The following PLCB1 variants were observed in gnomAD, a reference collection of about 807,000 sequenced individuals.
PLCB1 encodes the protein 1-phosphatidylinositol 4,5-bisphosphate phosphodiesterase beta-1.
PLCB1 carries 46 observed loss-of-function variants against 161.8 expected under a neutral mutation model. That is an observed-to-expected ratio of 0.28 (90% confidence interval 0.22 to 0.36). The LOEUF (loss-of-function observed/expected upper bound fraction) is 0.36. Ranked by LOEUF, PLCB1 falls within the 10% of genes least tolerant of loss-of-function variation. The pLI is 1.00. For synonymous variants in PLCB1, 517 were observed against 503.7 expected, an observed-to-expected ratio of 1.03 and a Z score of -0.35; for missense variants, 1,016 against 1,472.5, an observed-to-expected ratio of 0.69 and a Z score of 5.07.
chr20:8,312,548 G>A (rs1448319709), intron 2 of PLCB1, among the ~76,000 whole-genome samples: 1 of 152,124 alleles, frequency 6.6e-6, no homozygotes, highest in African/African-American at 2.4e-5. Context: ...TTTGCCTGCT[G>A]TGAAGCTACT....
rs1275017042 is a variant in PLCB1 at position 8,425,842 on chromosome 20, T to C, written c.246+54392T>C. On this transcript the variant is annotated intron_variant, in intron 3 of 31. Coordinates refer to ENST00000338037, the MANE Select transcript of PLCB1 (RefSeq NM_015192.4). ...GATTTTCCTTTGCAATGGGCTTCCA[T>C]GTTAGATCTTCACTACATCCAATTT... Among the ~76,000 whole-genome samples, 6 of 152,028 alleles carry C rather than the reference T, an allele frequency of 3.9e-5. No homozygotes were observed. In the Middle Eastern group the frequency reaches 0.01, roughly 259 times the overall value.
intron 31 of PLCB1, among the ~76,000 whole-genome samples, chr20:8,853,215 A>G (rs1986949911): frequency 6.6e-6 from 1 of 152,254 alleles, no homozygotes; most frequent in Non-Finnish European, 1.5e-5. Flanking sequence ...AAAATAAAGT[A>G]GGTTATTAGT....
chr20:8,675,686 T>C (rs1367299015), intron 9 of PLCB1, among the ~76,000 whole-genome samples: 1 of 152,180 alleles, frequency 6.6e-6, no homozygotes, highest in East Asian at 1.9e-4. Context: ...TGAACTTTCT[T>C]GAAACCACAC....
At chr20:8,461,779 A>G (rs1453926224) in intron 3 of PLCB1, among the ~76,000 whole-genome samples, 1 of 152,126 alleles carries the variant, frequency 6.6e-6, no homozygotes, top group Non-Finnish European at 1.5e-5. Context: ...TGCATTTTAT[A>G]TTATTTTATG....
At chr20:8,759,021 C>T (rs956404411) in intron 24 of PLCB1, among the ~76,000 whole-genome samples, 21 of 152,198 alleles carry the variant, frequency 1.4e-4, no homozygotes, top group Admixed American at 2.0e-4. Flanking sequence ...AAGATTCCAA[C>T]GCAGGATCCC....
intron 2 of PLCB1, among the ~76,000 whole-genome samples, chr20:8,293,481 A>T (rs78677893): frequency 0.079 from 11,967 of 152,106 alleles, 592 homozygotes; most frequent in Middle Eastern, 0.15. Flanking sequence ...AAAATTAATA[A>T]CTTTTAGCAC....
intron 31 of PLCB1, among the ~76,000 whole-genome samples, chr20:8,854,279 A>G (rs1486829622): frequency 6.6e-6 from 1 of 152,092 alleles, no homozygotes; most frequent in Non-Finnish European, 1.5e-5. Flanking sequence ...TTTTTTTAGC[A>G]CTGCCTAGAG....
At chr20:8,671,753 C>G (rs938635828) in intron 9 of PLCB1, among the ~76,000 whole-genome samples, 1 of 152,140 alleles carries the variant, frequency 6.6e-6, no homozygotes, top group African/African-American at 2.4e-5. Context: ...TCATCCATGC[C>G]CCCTATCCAG....
intron 9 of PLCB1, among the ~76,000 whole-genome samples, chr20:8,672,212 A>G (rs1036446163): frequency 2.7e-4 from 41 of 152,334 alleles, no homozygotes; most frequent in African/African-American, 9.6e-4. Flanking sequence ...TACTTGCCTC[A>G]GGTTTCCCAT....
chr20:8,699,591 T>C (rs1990654902), intron 11 of PLCB1, among the ~76,000 whole-genome samples: 1 of 152,212 alleles, frequency 6.6e-6, no homozygotes, highest in Non-Finnish European at 1.5e-5. Context: ...ACACTTGAGA[T>C]GTGAGAAAAT....
intron 2 of PLCB1, among the ~76,000 whole-genome samples, chr20:8,343,854 G>A (rs981136477): frequency 6.6e-6 from 1 of 152,178 alleles, no homozygotes; most frequent in Non-Finnish European, 1.5e-5. Context: ...AGAGTGATGT[G>A]TGCAAACTTT....
At chr20:8,630,088 T>A (rs1386396554) in intron 4 of PLCB1, among the ~76,000 whole-genome samples, 2 of 148,684 alleles carry the variant, frequency 1.3e-5, no homozygotes, top group Non-Finnish European at 3.0e-5. Context: ...CTTTCTTGTT[T>A]TTTTTTTTGA....
chr20:8,388,606 A>G (rs1182039368), intron 3 of PLCB1, among the ~76,000 whole-genome samples: 1 of 152,168 alleles, frequency 6.6e-6, no homozygotes. Flanking sequence ...TCTTGGTTCC[A>G]ACTATTTCTT....
intron 3 of PLCB1, among the ~76,000 whole-genome samples, chr20:8,508,793 T>A (rs1043865826): frequency 6.6e-6 from 1 of 152,018 alleles, no homozygotes; most frequent in African/African-American, 2.4e-5. Context: ...TTGAATTATA[T>A]ATATATATAT....
intron 9 of PLCB1, among the ~76,000 whole-genome samples, chr20:8,678,954 G>A (rs1201593649): frequency 1.3e-5 from 2 of 152,170 alleles, no homozygotes; most frequent in Non-Finnish European, 2.9e-5. Flanking sequence ...TATGCACTAA[G>A]AACTACACTA....
At chr20:8,133,636 G>T (rs932466947) in intron 1 of PLCB1, among the ~76,000 whole-genome samples, 1 of 152,120 alleles carries the variant, frequency 6.6e-6, no homozygotes, top group African/African-American at 2.4e-5. Context: ...ACGTAAATTA[G>T]TTATCCAGCT....
intron 3 of PLCB1, among the ~76,000 whole-genome samples, chr20:8,537,927 A>C (rs1985117663): frequency 6.6e-6 from 1 of 152,244 alleles, no homozygotes; most frequent in Non-Finnish European, 1.5e-5. Flanking sequence ...AGCTAAAAAG[A>C]CTACCTTTGC....
rs546991277 is a variant in PLCB1 at position 8,746,689 on chromosome 20, G to A, written c.2523+5116G>A. On this transcript the variant is annotated intron_variant, in intron 23 of 31. Transcript: ENST00000338037. ...CACTCACTTAAGTCTTAAAACCTCC[G>A]GATGTCCTAATTACCATTATTTCCA... 9.0e-4 allele frequency among the ~76,000 whole-genome samples: 137 copies of A among 152,238 alleles called. 1 individual carries two copies. The highest frequency in any genetic ancestry group is 1.5e-3 in the Non-Finnish European group (105 of 68,018).
chr20:8,398,183 C>A (rs1471719441), intron 3 of PLCB1, among the ~76,000 whole-genome samples: 1 of 151,976 alleles, frequency 6.6e-6, no homozygotes, highest in African/African-American at 2.4e-5. Flanking sequence ...TGAAACTAAG[C>A]CTCCTTTCAC....
Sources: allele counts gnomAD v4.1 joint callset (sites outside exome capture counted in the v4.1 genomes callset), GRCh38; gene constraint gnomAD v4.1.1; transcripts MANE v1.5; gene names NCBI Gene and HGNC (gene_info 2026-07-23, HGNC 2026-07-21).